The following APP variants were observed in gnomAD, a reference collection of about 807,000 sequenced individuals.
APP encodes the protein amyloid-beta precursor protein.
A neutral mutation model predicts 101.4 loss-of-function variants in APP; 31 were observed. The ratio of observed to expected loss-of-function variants is 0.31; its 90% CI spans 0.23 to 0.41. The LOEUF (loss-of-function observed/expected upper bound fraction) is 0.41, where lower values mean the gene tolerates loss of function less well. Ranked by LOEUF, APP falls within the 10% of genes least tolerant of loss-of-function variation. APP has a pLI of 1.00. For missense variants in APP, 839 were observed against 1,003.7 expected (o/e 0.84, Z 2.22); for synonymous variants, 366 against 364.4 (o/e 1.00, Z -0.05).
intron 17 of APP, among the ~76,000 whole-genome samples, chr21:25,883,558 T>TAGCACGTGCCTGTAGTCCCAGC: frequency 6.6e-6 from 1 of 152,090 alleles, no homozygotes; most frequent in African/African-American, 2.4e-5. Flanking sequence ...CCAGGCACAG[T>TAGCACGTGCCTGTAGTCCCAGC]AGCACGTGCC....
chr21:25,979,203 T>A (rs1288105864), intron 9 of APP, among the ~76,000 whole-genome samples: 3 of 152,088 alleles, frequency 2.0e-5, no homozygotes, highest in Admixed American at 6.5e-5. Flanking sequence ...TATGAAAAAA[T>A]TCCAAAATCC....
rs1568841363 is a variant in APP, at chr21:26,004,467, A to AT, written c.866-4286dup. 1.7e-4 allele frequency among the ~76,000 whole-genome samples: 13 copies of AT among 76,004 alleles called. 1 individual carries two copies. The South Asian group carries it at 4.1e-3, about 24-fold the overall frequency. 49.9% of individuals were successfully genotyped at this position (76,004 alleles called of 152,430 possible). A position where few individuals can be genotyped will look rare whatever the true frequency, so the allele number is the denominator to read the frequency against. The stretch of plus-strand genomic sequence containing the variant: ...GCCACACACCGGCTAATTTTTTTCG[A>AT]TTTTTTAGTAGACACGGGGTTTCTC... On this transcript the variant is annotated intron_variant, in intron 6 of 17. Coordinates refer to ENST00000346798, the MANE Select transcript of APP (RefSeq NM_000484.4).
intron 11 of APP, among the ~76,000 whole-genome samples, chr21:25,972,168 G>A (rs2042055452): frequency 6.6e-6 from 1 of 152,146 alleles, no homozygotes; most frequent in South Asian, 2.1e-4. Flanking sequence ...GATATTATGG[G>A]TGTTGGGGGT....
intron 6 of APP, among the ~76,000 whole-genome samples, chr21:26,008,441 T>C (rs1227506238): frequency 2.6e-5 from 4 of 152,132 alleles, no homozygotes; most frequent in East Asian, 1.9e-4. Flanking sequence ...ATGTCCTGTA[T>C]TGGAAAATAA....
chr21:26,058,772 A>C (rs2046141719), intron 3 of APP, among the ~76,000 whole-genome samples: 1 of 151,944 alleles, frequency 6.6e-6, no homozygotes. Flanking sequence ...CCTACCTCTA[A>C]AAATAAATGT....
chr21:25,969,752 T>C (rs2041939581), intron 11 of APP, among the ~76,000 whole-genome samples: 1 of 151,026 alleles, frequency 6.6e-6, no homozygotes, highest in African/African-American at 2.4e-5. Context: ...GGCAAAAGGA[T>C]TGCTTGAGCC....
At chr21:26,030,762 C>T (rs1004901234) in intron 5 of APP, among the ~76,000 whole-genome samples, 1 of 152,110 alleles carries the variant, frequency 6.6e-6, no homozygotes, top group Non-Finnish European at 1.5e-5. Flanking sequence ...AGATGCTAGG[C>T]CAGAAAACTG....
At chr21:26,119,783 G>A (rs1416023903) in intron 1 of APP, among the ~76,000 whole-genome samples, 1 of 152,128 alleles carries the variant, frequency 6.6e-6, no homozygotes, top group South Asian at 2.1e-4. Flanking sequence ...TCTAGAATTA[G>A]TGCATTTAAG....
intron 5 of APP, among the ~76,000 whole-genome samples, chr21:26,036,298 G>A (rs1601285377): frequency 6.8e-6 from 1 of 146,090 alleles, no homozygotes; most frequent in African/African-American, 2.5e-5. Context: ...CTGGGGGGTG[G>A]GCACTCCTAA....
Position 26,015,854 on chromosome 21 carries a change from C to A in APP, c.865+5986G>T, listed in dbSNP as rs1359165363. ...TTCAGTTTTGCAGGCAACACAATCT[C>A]TTTTGCGATCCTCAACTCTACTTCC... is the stretch of plus-strand genomic sequence containing the variant. On this transcript the variant is annotated intron_variant, in intron 6 of 17. Coordinates refer to ENST00000346798, the MANE Select transcript of APP (RefSeq NM_000484.4). Among the ~76,000 whole-genome samples the A allele has an allele frequency of 2.0e-5, 3 of 152,178 alleles. No individual in the cohort carries two copies. The East Asian group carries it at 5.8e-4, about 29-fold the overall frequency.
At chr21:26,164,814 C>T (rs559208782) in intron 1 of APP, among the ~76,000 whole-genome samples, 39 of 150,494 alleles carry the variant, frequency 2.6e-4, no homozygotes, top group African/African-American at 9.1e-4. Flanking sequence ...CGAGATCGCG[C>T]CACTGCACTC....
chr21:26,165,632 GA>G (rs2146394823), intron 1 of APP, among the ~76,000 whole-genome samples: 1 of 152,294 alleles, frequency 6.6e-6, no homozygotes, highest in Admixed American at 6.5e-5. Context: ...TCGTTCTACA[GA>G]GGTGACATTT....
chr21:26,077,258 C>T (rs1417414581), intron 3 of APP, among the ~76,000 whole-genome samples: 2 of 151,662 alleles, frequency 1.3e-5, no homozygotes, highest in East Asian at 1.9e-4. Context: ...ACTCCCTAAA[C>T]TCTGTGCTTA....
intron 3 of APP, among the ~76,000 whole-genome samples, chr21:26,075,638 T>C (rs533295469): frequency 1.4e-4 from 21 of 152,332 alleles, no homozygotes; most frequent in African/African-American, 5.1e-4. Context: ...AAAGCAGGTA[T>C]CTTAGAGGTA....
At chr21:25,940,940 G>A (rs149638880) in intron 13 of APP, among the ~76,000 whole-genome samples, 2 of 152,294 alleles carry the variant, frequency 1.3e-5, no homozygotes, top group African/African-American at 4.8e-5. Flanking sequence ...GGTGATGCCA[G>A]GCGATGCTGA....
At chr21:26,170,086 T>A (rs1306223015) in intron 1 of APP, among the ~76,000 whole-genome samples, 3 of 152,154 alleles carry the variant, frequency 2.0e-5, no homozygotes, top group Non-Finnish European at 4.4e-5. Flanking sequence ...CCTAGCTTCC[T>A]GGGCTGTCCC....
chr21:26,152,290 A>AAAAAAAAAAAC (rs2063292733), intron 1 of APP, among the ~76,000 whole-genome samples: 1 of 144,972 alleles, frequency 6.9e-6, no homozygotes, highest in African/African-American at 2.7e-5. Flanking sequence ...ATCTCAAAAA[A>AAAAAAAAAAAC]AAAAAAAAAA....
chr21:26,153,187 C>T lies in APP; in HGVS notation c.57+17377G>A, dbSNP rs554892188. On this transcript the variant is annotated intron_variant, in intron 1 of 17. Coordinates refer to ENST00000346798, the MANE Select transcript of APP (RefSeq NM_000484.4). ...ACTAGGGATTAAAAGAAAAACTAGA[C>T]ATTAGGTACAAGGTACCCTACTTAA... 1.4e-3 allele frequency among the ~76,000 whole-genome samples: 213 copies of T among 152,182 alleles called. 1 individual carries two copies. The highest frequency in any genetic ancestry group is 2.8e-3 in the Non-Finnish European group (192 of 67,998).
At chr21:26,056,575 G>A (rs2046052474) in intron 3 of APP, among the ~76,000 whole-genome samples, 2 of 121,856 alleles carry the variant, frequency 1.6e-5, no homozygotes, top group East Asian at 5.4e-4. Context: ...CCCAACACCT[G>A]TATTTCTGCA....
Sources: gnomAD v4.1 joint callset for allele counts (sites outside exome capture counted in the v4.1 genomes callset) on GRCh38, gnomAD v4.1.1 for gene constraint, MANE v1.5 for transcripts, NCBI Gene and HGNC (gene_info 2026-07-23, HGNC 2026-07-21) for gene names.